PLEC: variants seen among roughly 807,000 people sequenced by gnomAD.
PLEC encodes the protein plectin, also known as hemidesmosomal protein 1.
In PLEC, 216 loss-of-function variants were observed where a neutral mutation model predicts 392.8. The ratio of observed to expected loss-of-function variants is 0.55; its 90% CI spans 0.49 to 0.62. PLEC has a LOEUF of 0.62. Among genes scored for constraint, PLEC ranks in the 20% least tolerant of loss-of-function variants. PLEC has a pLI of 0.00. For missense variants in PLEC, 6,863 were observed against 6,563.4 expected, an observed-to-expected ratio of 1.05 and a Z score of -1.58; for synonymous variants, 3,621 against 2,980.6, an observed-to-expected ratio of 1.21 and a Z score of -7.00.
At chr8:143,939,324 G>A in intron 1 of PLEC, 26 bp downstream of exon 1, 2 of 1,600,932 alleles carry the variant, frequency 1.2e-6, no homozygotes, top group Non-Finnish European at 1.7e-6. Flanking sequence ...CTGCCTGGCG[G>A]GGGTGCCCGA....
chr8:143,966,078 G>A (rs536746520), intron 1 of PLEC, among the ~76,000 whole-genome samples: 3 of 152,168 alleles, frequency 2.0e-5, no homozygotes, highest in Non-Finnish European at 4.4e-5. Context: ...CCTCCAATCC[G>A]ACGACACCCC....
At chr8:143,943,534 C>T (rs1830889161), upstream of PLEC, among the ~76,000 whole-genome samples, 1 of 152,344 alleles carries the variant, frequency 6.6e-6, no homozygotes, top group African/African-American at 2.4e-5. Context: ...CCTGCCCTGC[C>T]GGCCTCCGCT....
At chr8:143,975,431 C>G (rs1291493362), upstream of PLEC, 9 of 1,453,902 alleles carry the variant, frequency 6.2e-6, no homozygotes, top group South Asian at 9.2e-5. This position sits in a 1 kb window ranked among gnomAD's most constrained non-coding sequence, Gnocchi z 9.9. Context: ...GGACTCTGCA[C>G]GCCGACCCAC....
At chr8:143,933,880 G>T in intron 12 of PLEC, 118 bp downstream of exon 12, 1 of 831,032 alleles carries the variant, frequency 1.2e-6, no homozygotes, top group Non-Finnish European at 2.0e-6. Flanking sequence ...CCCCGCCCCT[G>T]CCCCTGCCCC....
chr8:143,928,675 C>T lies in PLEC; in HGVS notation c.3260+428G>A, dbSNP rs139943782. On this transcript the variant is annotated intron_variant, in intron 25 of 31. Transcript: ENST00000345136. ...CTGTGAGGAGTAGACAGCGGGTGGACCTGTGGTTTGCAACACAGGAAGAGA... is the reference window on the plus strand; with the variant it reads ...CTGTGAGGAGTAGACAGCGGGTGGATCTGTGGTTTGCAACACAGGAAGAGA... 5.0e-3 allele frequency among the ~76,000 whole-genome samples: 755 copies of T among 151,658 alleles called. 12 individuals carry two copies. The highest frequency in any genetic ancestry group is 0.017 in the African/African-American group (708 of 40,988).
chr8:143,975,345 G>A (rs782513012), upstream of PLEC: 6 of 1,610,294 alleles, frequency 3.7e-6, no homozygotes, highest in East Asian at 1.3e-4. The surrounding 1 kb of genome is among the most constrained non-coding windows in gnomAD (Gnocchi z 9.9). Context: ...GAGACTGCCC[G>A]GACCTCAGCG....
Position 143,924,622 on chromosome 8 carries a change from G to A in PLEC, c.5307C>T (p.Ala1769=), listed in dbSNP as rs1378967574. 16 of 1,540,246 alleles carry A rather than the reference G, an allele frequency of 1.0e-5. No individual in the cohort carries two copies. The highest frequency in any genetic ancestry group is 1.4e-5 in the African/African-American group (1 of 73,280). The part of the protein sequence containing the change: ...KVRAEMEVLL[A]SKARAEEESR... Reference sequence around the variant, plus strand: ...ACTCCTCCTCAGCCCTCGCCTTGCTGGCCAGCAGCACCTCCATCTCGGCCC... The same window carrying A: ...ACTCCTCCTCAGCCCTCGCCTTGCTAGCCAGCAGCACCTCCATCTCGGCCC... Residue 1769 remains alanine, a synonymous_variant, in exon 31 of 32, where the codon GCC becomes GCT. Coordinates refer to ENST00000345136, the MANE Select transcript of PLEC (RefSeq NM_201384.3).
rs1554687481 is a variant in PLEC at position 143,921,881 on chromosome 8, T to C, written c.7940A>G (p.Asp2647Gly). The C allele has an allele frequency of 1.2e-6, 2 of 1,601,506 alleles. No homozygotes were observed. Among genetic ancestry groups the C allele is most frequent in the South Asian group, 2.2e-5 (2 of 91,040 alleles). Residue 2647 changes from aspartate (D) to glycine (G), a missense_variant, in exon 32 of 32, where the codon GAT (aspartate) becomes GGT (glycine). By Grantham distance (94) the Asp-to-Gly change is moderately conservative. Transcript: ENST00000345136. ...AAEAEPEHSFDGLRRKVSAQR... is the reference protein window; with the variant it reads ...AAEAEPEHSFGGLRRKVSAQR... ...AGCTGACACCTTCCGCCGCAGGCCA[T>C]CGAAGCTGTGCTCCGGCTCTGCCTC...
At position 143,917,529 on chromosome 8, in the gene PLEC, T is replaced by C; in HGVS notation, c.12292A>G (p.Asn4098Asp). The change falls in exon 32 of 32, where the codon AAC becomes GAC. Residue 4098 changes from asparagine to aspartate, a missense_variant. By Grantham distance (23) the Asn-to-Asp change is conservative. Transcript: ENST00000345136. ...KGFFDPNTEE[N>D]LTYLQLMERC... ...TCCATCAGCTGCAGGTAGGTGAGGTTCTCCTCCGTGTTAGGGTCAAAGAAG... is the reference window on the plus strand; with the variant it reads ...TCCATCAGCTGCAGGTAGGTGAGGTCCTCCTCCGTGTTAGGGTCAAAGAAG... The C allele has an allele frequency of 6.2e-7, 1 of 1,613,816 alleles. No homozygotes were observed. Among genetic ancestry groups the C allele is most frequent in the Non-Finnish European group, 8.5e-7 (1 of 1,179,992 alleles).
At chr8:143,933,495 C>G (rs1488031257) in intron 12 of PLEC, 144 bp from the exon 13 acceptor site, 12 of 971,138 alleles carry the variant, frequency 1.2e-5, no homozygotes, top group Non-Finnish European at 1.8e-5. Context: ...TCCCTCCCTG[C>G]CCACCTCACA....
Position 143,922,876 on chromosome 8 carries a change from C to G in PLEC, c.7053G>C (p.Glu2351Asp), listed in dbSNP as rs1554690743. The G allele has an allele frequency of 6.3e-7, 1 of 1,581,574 alleles. No individual in the cohort carries two copies. Among genetic ancestry groups the G allele is most frequent in the South Asian group, 1.1e-5 (1 of 87,682 alleles). ...CCTCCGCCAGCTGCTGCGCCATCTG[C>G]TCCTTGTCCTCCTGCAGCCGCCGCG... Reference protein sequence around the residue: ...EQARRLQEDKEQMAQQLAEET... With the variant: ...EQARRLQEDKDQMAQQLAEET... The change falls in exon 31 of 32, where the codon GAG (glutamate) becomes GAC (aspartate). Residue 2351 changes from glutamate (E) to aspartate (D), a missense_variant. Physicochemically the swap from Glu to Asp is conservative, Grantham distance 45. Coordinates refer to ENST00000345136, the MANE Select transcript of PLEC (RefSeq NM_201384.3).
chr8:143,945,005 G>C (rs1166546481), intron 1 of PLEC, among the ~76,000 whole-genome samples: 2 of 145,104 alleles, frequency 1.4e-5, no homozygotes, highest in Non-Finnish European at 1.5e-5. Flanking sequence ...ATATAATAGA[G>C]CAGGGCGCGG....
At chr8:143,953,282 C>A (rs1832386126), upstream of PLEC, among the ~76,000 whole-genome samples, 1 of 136,256 alleles carries the variant, frequency 7.3e-6, no homozygotes, top group Admixed American at 7.5e-5. Context: ...GACAAAGAGC[C>A]GCAGTGTGGA....
chr8:143,972,712 G>T (rs968038227), intron 1 of PLEC, among the ~76,000 whole-genome samples: 41 of 152,224 alleles, frequency 2.7e-4, no homozygotes, highest in Non-Finnish European at 1.0e-4. Flanking sequence ...GACCCAGGCT[G>T]AGCCAGGCAG....
chr8:143,956,103 G>A (rs1436268800), upstream of PLEC, among the ~76,000 whole-genome samples: 1 of 151,906 alleles, frequency 6.6e-6, no homozygotes, highest in Non-Finnish European at 1.5e-5. Flanking sequence ...GTGTGCCACC[G>A]CACCGGGCTA....
At chr8:143,938,113 G>C (rs201831062) in intron 3 of PLEC, 38 bp downstream of exon 3, 4 of 1,477,374 alleles carry the variant, frequency 2.7e-6, no homozygotes, top group African/African-American at 2.8e-5. Context: ...TCTCCAGGTG[G>C]GGCAGGCGGG....
upstream of PLEC, among the ~76,000 whole-genome samples, chr8:143,956,736 G>A (rs1277916398): frequency 6.6e-6 from 1 of 151,746 alleles, no homozygotes; most frequent in African/African-American, 2.4e-5. Context: ...GTGGTCTCCC[G>A]CAGCCAGAGG....
In PLEC at chr8:143,922,818, C is replaced by T. The variant is rs782558197; in HGVS notation, c.7111G>A (p.Glu2371Lys). 3.2e-6 allele frequency: 5 copies of T among 1,584,454 alleles called. No individual in the cohort carries two copies. The highest frequency in any genetic ancestry group is 3.4e-6 in the Non-Finnish European group (4 of 1,168,050). The stretch of plus-strand genomic sequence containing the variant: ...CTCATCTCCAGCTGCCGCTGCCGCT[C>T]GGCCTCCAGCGTCCGCTGGAAGCCC... ...TQGFQRTLEA[E>K]RQRQLEMSAE... The change falls in exon 31 of 32, where the codon GAG (glutamate) becomes AAG (lysine). Residue 2371 changes from glutamate to lysine, a missense_variant. Glu to Lys is a moderately conservative substitution (Grantham distance 56). Transcript: ENST00000345136.
At chr8:143,963,399 C>T (rs960043584) in intron 1 of PLEC, among the ~76,000 whole-genome samples, 10 of 152,224 alleles carry the variant, frequency 6.6e-5, no homozygotes, top group African/African-American at 2.4e-4. Context: ...AGAGCATTCA[C>T]GGGCCTTGAA....
Sources: gnomAD v4.1 joint callset for allele counts (sites outside exome capture counted in the v4.1 genomes callset) on GRCh38, gnomAD v4.1.1 for gene constraint, Gnocchi (gnomAD v3.1) non-coding constraint, MANE v1.5 for transcripts, NCBI Gene and HGNC (gene_info 2026-07-23, HGNC 2026-07-21) for gene names.